The following LIN28B variants were observed in gnomAD, a reference collection of about 807,000 sequenced individuals.
The protein encoded by LIN28B is lin-28 RNA binding posttranscriptional regulator B, also known as protein lin-28 homolog B.
Under a neutral mutation model 21.9 loss-of-function variants are expected in LIN28B, and 5 were observed. The observed-to-expected ratio is 0.23, with a 90% CI of 0.12 to 0.48. The LOEUF (loss-of-function observed/expected upper bound fraction) is 0.48, where lower values mean the gene tolerates loss of function less well. Among genes scored for constraint, LIN28B ranks in the 20% least tolerant of loss-of-function variants. The probability of loss-of-function intolerance (pLI) is 0.98; values close to 1 mark genes in which losing one functional copy is unlikely to be tolerated. For missense variants in LIN28B, 245 were observed against 310.5 expected (o/e 0.79, Z 1.58); for synonymous variants, 109 against 111.3 (o/e 0.98, Z 0.13).
chr6:105,046,847 C>T (rs1272880559), intron 3 of LIN28B, among the ~76,000 whole-genome samples: 1 of 152,130 alleles, frequency 6.6e-6, no homozygotes, highest in African/African-American at 2.4e-5. Context: ...CTCCTTCGCC[C>T]ACTTGTTGGT....
chr6:104,948,174 G>A (rs946046797), intron 2 of LIN28B, among the ~76,000 whole-genome samples: 1 of 152,128 alleles, frequency 6.6e-6, no homozygotes, highest in African/African-American at 2.4e-5. Flanking sequence ...TTAACAAAAT[G>A]TATTAAATAC....
At chr6:104,992,348 C>T (rs71572243) in intron 2 of LIN28B, among the ~76,000 whole-genome samples, 7 of 151,800 alleles carry the variant, frequency 4.6e-5, no homozygotes, top group Middle Eastern at 3.5e-3. Flanking sequence ...TGAGCCACTG[C>T]GCCTGGCCTC....
chr6:104,986,251 C>A (rs139424201), intron 2 of LIN28B, among the ~76,000 whole-genome samples: 2 of 151,994 alleles, frequency 1.3e-5, no homozygotes, highest in Admixed American at 6.6e-5. Context: ...CTGTACAGCC[C>A]GAGGAACCAT....
intron 2 of LIN28B, among the ~76,000 whole-genome samples, chr6:105,010,901 T>C (rs1401011586): frequency 6.6e-6 from 1 of 152,182 alleles, no homozygotes; most frequent in African/African-American, 2.4e-5. Flanking sequence ...TTATTTTCAT[T>C]TTTTTCCTAC....
Position 104,977,360 on chromosome 6 carries a change from C to T in LIN28B, c.198+19074C>T, listed in dbSNP as rs1454159077. Among the ~76,000 whole-genome samples the T allele has an allele frequency of 2.0e-5, 3 of 152,290 alleles. No homozygotes were observed. In the East Asian group the frequency reaches 5.8e-4, roughly 29 times the overall value. On this transcript the variant is annotated intron_variant, in intron 2 of 3. Transcript: ENST00000345080. The stretch of plus-strand genomic sequence containing the variant: ...CAGAACCTCGCCCCAAAGTCAGAAC[C>T]TTCTTTCTCCAAGGGCTTTCTAGCC...
At chr6:105,044,516 G>A (rs1002403723) in intron 3 of LIN28B, among the ~76,000 whole-genome samples, 1 of 151,950 alleles carries the variant, frequency 6.6e-6, no homozygotes, top group African/African-American at 2.4e-5. Flanking sequence ...AATATTTGTG[G>A]TACAGGAATC....
At chr6:105,009,532 T>G (rs1335399357) in intron 2 of LIN28B, among the ~76,000 whole-genome samples, 1 of 152,162 alleles carries the variant, frequency 6.6e-6, no homozygotes, top group Non-Finnish European at 1.5e-5. Context: ...CCTGTACAGC[T>G]TGAGAAGTTC....
intron 3 of LIN28B, among the ~76,000 whole-genome samples, chr6:105,069,670 CA>C: frequency 6.7e-6 from 1 of 149,378 alleles, no homozygotes; most frequent in Admixed American, 6.7e-5. Flanking sequence ...GCCTGGATAA[CA>C]GAGCAAGACC....
chr6:105,046,580 A>G (rs1271836429), intron 3 of LIN28B, among the ~76,000 whole-genome samples: 1 of 152,190 alleles, frequency 6.6e-6, no homozygotes, highest in Non-Finnish European at 1.5e-5. Context: ...TAGATCCCTG[A>G]GGAATCGCCA....
chr6:105,057,538 A>G (rs748715318), intron 3 of LIN28B, among the ~76,000 whole-genome samples: 1 of 152,148 alleles, frequency 6.6e-6, no homozygotes. Context: ...CTTTCTGTAT[A>G]TGTATATTAC....
rs780301974 is a variant in LIN28B, at chr6:105,053,545, C to T, written c.384-24869C>T. Reference sequence around the variant, plus strand: ...TTTGAAACCACATTAACAGCAGATTCGTTGCTTTCATATTGGGCATATTAT... The same window carrying T: ...TTTGAAACCACATTAACAGCAGATTTGTTGCTTTCATATTGGGCATATTAT... On this transcript the variant is annotated intron_variant, in intron 3 of 3. Transcript: ENST00000345080. 1.8e-3 allele frequency among the ~76,000 whole-genome samples: 280 copies of T among 152,204 alleles called. 3 individuals carry two copies. Among genetic ancestry groups the T allele is most frequent in the East Asian group, 7.7e-4 (4 of 5,188 alleles).
intron 2 of LIN28B, among the ~76,000 whole-genome samples, chr6:104,980,927 C>T (rs1770209121): frequency 6.6e-6 from 1 of 152,032 alleles, no homozygotes; most frequent in Non-Finnish European, 1.5e-5. Context: ...TCATATTCTG[C>T]CATATATTTT....
intron 3 of LIN28B, among the ~76,000 whole-genome samples, chr6:105,037,667 C>G (rs1032771064): frequency 1.3e-5 from 2 of 151,490 alleles, no homozygotes; most frequent in African/African-American, 2.4e-5. Context: ...TGTGCACCAC[C>G]ACACCCTAAT....
upstream of LIN28B, among the ~76,000 whole-genome samples, chr6:104,955,830 A>G (rs1562561951): frequency 6.6e-6 from 1 of 152,300 alleles, no homozygotes; most frequent in South Asian, 2.1e-4. Context: ...GCGATATTTT[A>G]TATTTTAAAG....
At chr6:105,037,436 A>C (rs1383601523) in intron 3 of LIN28B, among the ~76,000 whole-genome samples, 2 of 152,040 alleles carry the variant, frequency 1.3e-5, no homozygotes, top group Non-Finnish European at 2.9e-5. Context: ...TAACAGATTA[A>C]GAGCTACAAC....
upstream of LIN28B, among the ~76,000 whole-genome samples, chr6:104,956,485 A>G (rs1429983709): frequency 6.6e-6 from 1 of 152,124 alleles, no homozygotes; most frequent in African/African-American, 2.4e-5. Context: ...TTCTAGTAGG[A>G]TTTTATTTTA....
At chr6:104,954,486 GCTTT>G (rs1284160216), upstream of LIN28B, among the ~76,000 whole-genome samples, 1 of 152,010 alleles carries the variant, frequency 6.6e-6, no homozygotes, top group Non-Finnish European at 1.5e-5. Flanking sequence ...CAACTTCCTT[GCTTT>G]CTTCTTCCTT....
intron 2 of LIN28B, among the ~76,000 whole-genome samples, chr6:104,961,312 AT>A (rs1769733268): frequency 6.6e-6 from 1 of 152,198 alleles, no homozygotes; most frequent in Non-Finnish European, 1.5e-5. Context: ...TTTTAAATAT[AT>A]TTAAGAATTT....
rs114123183 is a variant in LIN28B at position 105,015,967 on chromosome 6, G to A, written c.199-10331G>A. The stretch of plus-strand genomic sequence containing the variant: ...CTTAAATTAGATAGTGTACATAGAT[G>A]TACTATTCTGCCACTCCATGTAAAA... On this transcript the variant is annotated intron_variant, in intron 2 of 3. Coordinates refer to ENST00000345080, the MANE Select transcript of LIN28B (RefSeq NM_001004317.4). Among the ~76,000 whole-genome samples the A allele has an allele frequency of 2.8e-3, 429 of 152,218 alleles. 6 individuals carry two copies. Among genetic ancestry groups the A allele is most frequent in the African/African-American group, 9.9e-3 (411 of 41,540 alleles).
Sources: gnomAD v4.1 joint callset for allele counts (sites outside exome capture counted in the v4.1 genomes callset) on GRCh38, gnomAD v4.1.1 for gene constraint, MANE v1.5 for transcripts, NCBI Gene and HGNC (gene_info 2026-07-23, HGNC 2026-07-21) for gene names.